The following SCAMP4 variants were observed in gnomAD, a reference collection of about 807,000 sequenced individuals.
SCAMP4 encodes the protein secretory carrier-associated membrane protein 4.
A neutral mutation model predicts 32.1 loss-of-function variants in SCAMP4; 19 were observed. The ratio of observed to expected loss-of-function variants is 0.59; its 90% confidence interval spans 0.41 to 0.87. The LOEUF (loss-of-function observed/expected upper bound fraction) is 0.87, where lower values mean the gene tolerates loss of function less well. SCAMP4 is among the 40% of genes least tolerant of loss of function. The pLI is 0.00. For synonymous variants in SCAMP4, 152 were observed against 132.7 expected (o/e 1.15, Z -1.00); for missense variants, 302 against 309.0 (o/e 0.98, Z 0.17).
chr19:1,909,410 C>G (rs527775732), intron 1 of SCAMP4, among the ~76,000 whole-genome samples: 1 of 152,332 alleles, frequency 6.6e-6, no homozygotes, highest in African/African-American at 2.4e-5. Flanking sequence ...CCCCACCAGC[C>G]CTTCCTCTCC....
chr19:1,911,318 T>C (rs1249626167), intron 1 of SCAMP4, among the ~76,000 whole-genome samples: 1 of 152,000 alleles, frequency 6.6e-6, no homozygotes, highest in African/African-American at 2.4e-5. Context: ...ACCACCGGTG[T>C]GTGCCACCAC....
In SCAMP4 at chr19:1,912,410, G is replaced by A. The variant is rs576864116; in HGVS notation, c.-41-2569G>A. On this transcript the variant is annotated intron_variant, in intron 1 of 6. Coordinates refer to ENST00000316097, the MANE Select transcript of SCAMP4 (RefSeq NM_079834.4). ...CTGGGCCGGCCTCGGGCCCGCGCTC[G>A]CTGGCTGAGCTCCTGCCACGGCCGG... 2.3e-3 allele frequency: 3,550 copies of A among 1,513,786 alleles called. 72 individuals are homozygous for A. The African/African-American group carries it at 0.045, about 19-fold the overall frequency. 93.8% of individuals were successfully genotyped at this position (1,513,786 alleles called of 1,614,324 possible). A position where few individuals can be genotyped will look rare whatever the true frequency, so the allele number is the denominator to read the frequency against.
chr19:1,918,736 T>C lies in SCAMP4; in HGVS notation c.294-153T>C, dbSNP rs1599252451. On this transcript the variant is annotated intron_variant, in intron 4 of 6. Coordinates refer to ENST00000316097, the MANE Select transcript of SCAMP4 (RefSeq NM_079834.4). ...GAGATCTCGACACTGCTCTCCAGCC[T>C]GGGCGACAGAGTGAGACTCCATCTC... The C allele has an allele frequency of 4.1e-6, 5 of 1,205,370 alleles. No homozygotes were observed. The East Asian group carries it at 1.3e-4, about 32-fold the overall frequency. The allele number at this position is 1,205,370 out of a possible 1,614,324, so 74.7% of individuals were successfully genotyped here.
chr19:1,911,787 A>C (rs1317328490), intron 1 of SCAMP4: 6 of 385,066 alleles, frequency 1.6e-5, no homozygotes, highest in Non-Finnish European at 2.3e-5. Context: ...TCTCAGAAGT[A>C]AAAAAATAAA....
At chr19:1,912,834 C>A in intron 1 of SCAMP4, 5 of 1,593,042 alleles carry the variant, frequency 3.1e-6, no homozygotes, top group East Asian at 2.2e-5. Context: ...CAGACCCTTC[C>A]CCGCCTGCTC....
chr19:1,918,371 T>C, intron 4 of SCAMP4, 88 bp downstream of exon 4: 2 of 1,351,810 alleles, frequency 1.5e-6, no homozygotes, highest in Non-Finnish European at 2.0e-6. Context: ...TGAGGAGCTG[T>C]CCCTTTCTCT....
chr19:1,912,930 T>A (rs2013562459), intron 1 of SCAMP4: 1 of 1,610,176 alleles, frequency 6.2e-7, no homozygotes. Flanking sequence ...CCCCTACCTG[T>A]GCACTGGCTA....
In SCAMP4 at chr19:1,908,227, C is replaced by G. The variant is rs1358191958; in HGVS notation, c.-42+2788C>G. On this transcript the variant is annotated intron_variant, in intron 1 of 6. Transcript: ENST00000316097. The surrounding 1 kb of genome is among the most constrained non-coding windows in gnomAD (Gnocchi z 4.2). ...CACGGGGCCTCGGGCAGCGGCAGCA[C>G]CTGGCGCTGCCTCCGCGCTTCCTGC... 1.8e-5 allele frequency: 5 copies of G among 282,072 alleles called. No homozygotes were observed. The highest frequency in any genetic ancestry group is 5.0e-5 in the Admixed American group (1 of 20,114). The allele number at this position is 282,072 out of a possible 1,614,324, so 17.5% of individuals were successfully genotyped here.
chr19:1,910,935 C>T (rs533336447), intron 1 of SCAMP4, among the ~76,000 whole-genome samples: 21 of 151,474 alleles, frequency 1.4e-4, no homozygotes, highest in Non-Finnish European at 2.7e-4. Flanking sequence ...GGCGCGATCT[C>T]GGCTCAATGT....
At chr19:1,912,818 C>T (rs35870594) in intron 1 of SCAMP4, 82,599 of 1,587,244 alleles carry the variant, frequency 0.052, 2,830 homozygotes, top group Admixed American at 0.13. Flanking sequence ...GCGGCACCTA[C>T]GACTTCAGAC....
chr19:1,912,064 G>A (rs1161781298), intron 1 of SCAMP4: 7 of 1,436,016 alleles, frequency 4.9e-6, no homozygotes, highest in East Asian at 5.6e-5. Context: ...CTCTGCTCCC[G>A]TCTCTGTCTC....
intron 2 of SCAMP4, chr19:1,915,456 AGTGCTGGCTGAGCAGAAGCTCCT>A (rs964085530): frequency 4.3e-6 from 1 of 233,688 alleles, no homozygotes; most frequent in African/African-American, 2.3e-5. Flanking sequence ...TTCCTCAGGC[AGTGCTGGCTGAGCAGAAGCTCCT>A]GGGGGGCTCC....
chr19:1,912,863 C>G (rs1453941393), intron 1 of SCAMP4: 1 of 1,600,092 alleles, frequency 6.2e-7, no homozygotes, highest in Non-Finnish European at 8.5e-7. Flanking sequence ...CGGCCGCTGC[C>G]CCCCAGGCCG....
At chr19:1,909,540 C>T (rs1013118220) in intron 1 of SCAMP4, among the ~76,000 whole-genome samples, 4 of 151,876 alleles carry the variant, frequency 2.6e-5, no homozygotes, top group East Asian at 3.9e-4. Flanking sequence ...TACTGCCTCC[C>T]GTCCTCACCT....
At chr19:1,918,845 A>G in intron 4 of SCAMP4, 44 bp from the exon 5 acceptor site, 2 of 1,569,428 alleles carry the variant, frequency 1.3e-6, no homozygotes, top group South Asian at 1.2e-5. Flanking sequence ...CGTCTGGGAG[A>G]AGCCAGGGCT....
rs867651590 is a variant in SCAMP4, at chr19:1,924,417, G to A, written c.*133G>A. On this transcript the variant is annotated 3_prime_UTR_variant, in exon 7 of 7. Coordinates refer to ENST00000316097, the MANE Select transcript of SCAMP4 (RefSeq NM_079834.4). ...GATGGTGGAAGCCGGTGGTGGCCAC[G>A]GACCGCCCCCCTCCTGCCAGGGCCA... 87 of 738,750 alleles carry A rather than the reference G, an allele frequency of 1.2e-4. No homozygotes were observed. Among genetic ancestry groups the A allele is most frequent in the Middle Eastern group, 7.8e-4 (2 of 2,568 alleles). 45.8% of individuals were successfully genotyped at this position (738,750 alleles called of 1,614,324 possible).
At chr19:1,912,597 C>A (rs560367128) in intron 1 of SCAMP4, 3 of 1,489,260 alleles carry the variant, frequency 2.0e-6, no homozygotes, top group Non-Finnish European at 2.7e-6. Flanking sequence ...CTTCTCCACG[C>A]AGGAGCGCGC....
chr19:1,907,339 G>A (rs2013178212), intron 1 of SCAMP4, among the ~76,000 whole-genome samples: 1 of 150,834 alleles, frequency 6.6e-6, no homozygotes, highest in African/African-American at 2.4e-5. Context: ...GCTGAAGATG[G>A]TCAGGCCCCT....
intron 1 of SCAMP4, chr19:1,912,834 C>G (rs1386179631): frequency 1.3e-6 from 2 of 1,593,042 alleles, no homozygotes; most frequent in Admixed American, 1.7e-5. Flanking sequence ...CAGACCCTTC[C>G]CCGCCTGCTC....
Sources: gnomAD v4.1 joint callset for allele counts (sites outside exome capture counted in the v4.1 genomes callset) on GRCh38, gnomAD v4.1.1 for gene constraint, Gnocchi (gnomAD v3.1) non-coding constraint, MANE v1.5 for transcripts, NCBI Gene and HGNC (gene_info 2026-07-23, HGNC 2026-07-21) for gene names.